The following PCDHGA2 variants were observed in gnomAD, a reference collection of about 807,000 sequenced individuals.
PCDHGA2 encodes protocadherin gamma subfamily A, 2.
Under a neutral mutation model 59.2 loss-of-function variants are expected in PCDHGA2, and 40 were observed. That is an observed-to-expected ratio of 0.68 (90% confidence interval 0.52 to 0.88). PCDHGA2 has a LOEUF of 0.88. Among genes scored for constraint, PCDHGA2 ranks in the 40% least tolerant of loss-of-function variants. The pLI is 0.00. For missense variants in PCDHGA2, 1,226 were observed against 1,204.0 expected (o/e 1.02, Z -0.27); for synonymous variants, 560 against 526.0 (o/e 1.06, Z -0.89).
At chr5:141,450,241 C>T (rs1236675009) in intron 1 of PCDHGA2, among the ~76,000 whole-genome samples, 1 of 152,094 alleles carries the variant, frequency 6.6e-6, no homozygotes, top group East Asian at 1.9e-4. Flanking sequence ...TAGTCTTGAA[C>T]TCCTGACCTC....
At chr5:141,434,489 C>T (rs921000136) in intron 1 of PCDHGA2, among the ~76,000 whole-genome samples, 4 of 152,158 alleles carry the variant, frequency 2.6e-5, no homozygotes, top group Non-Finnish European at 4.4e-5. Flanking sequence ...ACACCTGGCC[C>T]GCCCAGGGCA....
chr5:141,349,501 C>A (rs1758306150), intron 1 of PCDHGA2, among the ~76,000 whole-genome samples: 1 of 152,136 alleles, frequency 6.6e-6, no homozygotes, highest in Non-Finnish European at 1.5e-5. Context: ...AAATATCAGA[C>A]TTTGTCCTAC....
intron 1 of PCDHGA2, chr5:141,382,914 G>T: frequency 6.4e-7 from 1 of 1,552,980 alleles, no homozygotes; most frequent in South Asian, 1.2e-5. Context: ...CGGCTCAGCC[G>T]AGGGGCGGGG....
chr5:141,417,711 C>A, intron 1 of PCDHGA2: 1 of 1,261,876 alleles, frequency 7.9e-7, no homozygotes, highest in Non-Finnish European at 1.1e-6. Flanking sequence ...CACAGAGGCT[C>A]CCGGCTGCGC....
At chr5:141,430,301 C>G (rs985986465) in intron 1 of PCDHGA2, among the ~76,000 whole-genome samples, 2 of 150,982 alleles carry the variant, frequency 1.3e-5, no homozygotes, top group Non-Finnish European at 2.9e-5. Context: ...AGCAGATGCA[C>G]TAACATTATA....
At position 141,415,393 on chromosome 5, in the gene PCDHGA2, T is replaced by C. The variant is rs574028530; in HGVS notation, c.2424+73998T>C. On this transcript the variant is annotated intron_variant, in intron 1 of 3. Transcript: ENST00000394576. ...TTCAGGAGGCGGCTTGACAGGTGTG[T>C]CCGGCTCGCACTTTGTGGGCGTGGA... 1.1e-5 allele frequency: 17 copies of C among 1,614,190 alleles called. No individual in the cohort carries two copies. In the East Asian group the frequency reaches 2.5e-4, roughly 23 times the overall value.
intron 1 of PCDHGA2, chr5:141,405,312 A>G: frequency 1.2e-6 from 2 of 1,614,208 alleles, no homozygotes; most frequent in Non-Finnish European, 8.5e-7. Context: ...AGCTGTGAGA[A>G]AAATGAGCCT....
chr5:141,463,510 G>A (rs1031854898), intron 1 of PCDHGA2, among the ~76,000 whole-genome samples: 4 of 143,710 alleles, frequency 2.8e-5, no homozygotes, highest in Non-Finnish European at 4.5e-5. Context: ...GTGACGTGGC[G>A]TGATCTCGGC....
chr5:141,342,489 G>C (rs1757167785), intron 1 of PCDHGA2: 1 of 151,936 alleles, frequency 6.6e-6, no homozygotes, highest in Non-Finnish European at 1.5e-5. Flanking sequence ...GCCTTTTATT[G>C]AATGATACCA....
intron 1 of PCDHGA2, among the ~76,000 whole-genome samples, chr5:141,466,884 T>G (rs901947336): frequency 2.6e-5 from 4 of 152,212 alleles, no homozygotes; most frequent in Admixed American, 1.3e-4. Flanking sequence ...TTTCATAATA[T>G]GCATTTTCCA....
intron 1 of PCDHGA2, chr5:141,379,179 T>C (rs1440992563): frequency 6.6e-6 from 1 of 152,218 alleles, no homozygotes; most frequent in Non-Finnish European, 1.5e-5. Context: ...AAAGATAACA[T>C]TGAGTTGATG....
intron 3 of PCDHGA2, among the ~76,000 whole-genome samples, chr5:141,506,700 G>GT (rs1446452157): frequency 2.0e-5 from 3 of 152,138 alleles, no homozygotes; most frequent in Admixed American, 1.3e-4. Context: ...ACCCAAACCC[G>GT]TTTTTTACTG....
chr5:141,509,819 C>T (rs1008625658), intron 3 of PCDHGA2, among the ~76,000 whole-genome samples: 3 of 152,154 alleles, frequency 2.0e-5, no homozygotes, highest in African/African-American at 7.2e-5. Context: ...AGCTCTTCTC[C>T]ATCTTCTCTC....
chr5:141,351,339 C>T (rs1309136506), intron 1 of PCDHGA2: 1 of 1,613,532 alleles, frequency 6.2e-7, no homozygotes, highest in Non-Finnish European at 8.5e-7. Flanking sequence ...GACCTTGGAA[C>T]TGTAATAGCC....
intron 1 of PCDHGA2, chr5:141,430,655 G>T (rs1309165721): frequency 1.6e-5 from 17 of 1,084,938 alleles, no homozygotes; most frequent in Non-Finnish European, 2.2e-5. Flanking sequence ...TGGAAACAAC[G>T]GAGGAGCTCT....
chr5:141,358,797 C>A (rs1198975953), intron 1 of PCDHGA2, among the ~76,000 whole-genome samples: 2 of 152,182 alleles, frequency 1.3e-5, no homozygotes, highest in Admixed American at 6.5e-5. Context: ...GGGTTCTGGA[C>A]TGATATGATT....
chr5:141,377,469 A>C (rs6896353), intron 1 of PCDHGA2: 1 of 151,896 alleles, frequency 6.6e-6, no homozygotes, highest in Non-Finnish European at 1.5e-5. Context: ...TGTGGCGTAC[A>C]CCTGTAGTCC....
chr5:141,438,063 A>T (rs540817874), intron 1 of PCDHGA2, among the ~76,000 whole-genome samples: 1 of 152,106 alleles, frequency 6.6e-6, no homozygotes, highest in Non-Finnish European at 1.5e-5. Context: ...CTTTTAAGAA[A>T]CCATACTTAA....
At chr5:141,455,225 C>CA (rs2098817003) in intron 1 of PCDHGA2, among the ~76,000 whole-genome samples, 2 of 151,666 alleles carry the variant, frequency 1.3e-5, no homozygotes, top group South Asian at 2.1e-4. Context: ...AATGCTTTGA[C>CA]AAAAAATGTT....
Sources: gnomAD v4.1 joint callset for allele counts (sites outside exome capture counted in the v4.1 genomes callset) on GRCh38, gnomAD v4.1.1 for gene constraint, MANE v1.5 for transcripts, NCBI Gene and HGNC (gene_info 2026-07-23, HGNC 2026-07-21) for gene names.